SCN7A: variants seen among roughly 807,000 people sequenced by gnomAD.
The protein encoded by SCN7A is sodium channel protein type 7 subunit alpha.
SCN7A carries 138 observed loss-of-function variants against 155.2 expected under a neutral mutation model. The observed-to-expected ratio is 0.89, with a 90% CI of 0.77 to 1.02. The LOEUF (loss-of-function observed/expected upper bound fraction) is 1.02, where lower values mean the gene tolerates loss of function less well. Among genes scored for constraint, SCN7A ranks in the 50% least tolerant of loss-of-function variants. The pLI, the probability that SCN7A is intolerant of heterozygous loss-of-function variation, is 0.00. For missense variants in SCN7A, 2,058 were observed against 1,986.6 expected (o/e 1.04, Z -0.68); for synonymous variants, 693 against 649.0 (o/e 1.07, Z -1.03).
chr2:166,426,582 T>C (rs1365465056), intron 18 of SCN7A, among the ~76,000 whole-genome samples: 3 of 152,232 alleles, frequency 2.0e-5, no homozygotes, highest in Admixed American at 1.3e-4. Flanking sequence ...GGAAGTGGGA[T>C]GCTGTAACAA....
chr2:166,462,360 A>T, intron 10 of SCN7A, 29 bp downstream of exon 10: 1 of 1,563,352 alleles, frequency 6.4e-7, no homozygotes, highest in Non-Finnish European at 8.7e-7. Flanking sequence ...GCCATTCCTA[A>T]GTACAGTACA....
rs775318530 is a variant in SCN7A at position 166,441,482 on chromosome 2, C to G, written c.2071G>C (p.Glu691Gln). The G allele has an allele frequency of 6.2e-7, 1 of 1,614,074 alleles. No individual in the cohort carries two copies. Among genetic ancestry groups the G allele is most frequent in the Non-Finnish European group, 8.5e-7 (1 of 1,179,972 alleles). ...ACCTCCATACAGTCCCACAAGGTCT[C>G]TACCCACTCTCCACAGAGAATTCGG... Reference protein sequence around the residue: ...VFRILCGEWVETLWDCMEVAG... With the variant: ...VFRILCGEWVQTLWDCMEVAG... The change falls in exon 15 of 26, where the codon GAG (glutamate) becomes CAG (glutamine). Residue 691 changes from glutamate to glutamine, a missense_variant. Glu to Gln is a conservative substitution (Grantham distance 29). Coordinates refer to ENST00000643258, the MANE Select transcript of SCN7A (RefSeq NM_002976.4).
At chr2:166,472,258 T>C in intron 6 of SCN7A, 59 bp downstream of exon 6, 1 of 1,489,912 alleles carries the variant, frequency 6.7e-7, no homozygotes, top group Non-Finnish European at 9.0e-7. Flanking sequence ...AATTATTTTT[T>C]ATGAAAAACA....
chr2:166,423,631 G>A (rs1003573614), intron 18 of SCN7A, among the ~76,000 whole-genome samples, 199 bp from the exon 19 acceptor site: 1 of 151,876 alleles, frequency 6.6e-6, no homozygotes, highest in Non-Finnish European at 1.5e-5. Context: ...CCATGCCTAC[G>A]CCAGACATCA....
chr2:166,417,453 A>G (rs2105382119), intron 20 of SCN7A, among the ~76,000 whole-genome samples: 1 of 152,214 alleles, frequency 6.6e-6, no homozygotes, highest in South Asian at 2.1e-4. Context: ...AGCATGGGCA[A>G]CAGACCCAGA....
intron 20 of SCN7A, among the ~76,000 whole-genome samples, chr2:166,418,682 C>T (rs1265288383): frequency 1.3e-5 from 2 of 152,006 alleles, no homozygotes; most frequent in South Asian, 2.1e-4. Context: ...TTTGTTAATA[C>T]TTTTAAATAT....
intron 22 of SCN7A, among the ~76,000 whole-genome samples, 192 bp downstream of exon 22, chr2:166,412,876 G>C (rs960689467): frequency 6.6e-6 from 1 of 151,962 alleles, no homozygotes; most frequent in Non-Finnish European, 1.5e-5. Context: ...GCAAAGTCTG[G>C]TAATCTTTCA....
At chr2:166,452,771 T>C (rs1226291286) in intron 11 of SCN7A, among the ~76,000 whole-genome samples, 1 of 152,106 alleles carries the variant, frequency 6.6e-6, no homozygotes, top group Non-Finnish European at 1.5e-5. Flanking sequence ...TATTCCTCAG[T>C]GTTGTGAAAT....
At chr2:166,461,064 T>TC (rs1702396804) in intron 10 of SCN7A, among the ~76,000 whole-genome samples, 1 of 149,486 alleles carries the variant, frequency 6.7e-6, no homozygotes, top group South Asian at 2.1e-4. Flanking sequence ...TTTTTTTTTT[T>TC]TTTTTTTTTA....
chr2:166,472,568 C>A, intron 5 of SCN7A, 123 bp from the exon 6 acceptor site: 2 of 810,812 alleles, frequency 2.5e-6, no homozygotes, highest in African/African-American at 1.8e-5. Context: ...GAGACCAGGT[C>A]TACTTGGTAG....
At chr2:166,423,139 T>C in intron 19 of SCN7A, 120 bp downstream of exon 19, 2 of 954,240 alleles carry the variant, frequency 2.1e-6, no homozygotes, top group Non-Finnish European at 3.1e-6. Context: ...AGGTGTCATG[T>C]ACCAACAATG....
intron 2 of SCN7A, among the ~76,000 whole-genome samples, chr2:166,481,402 T>C (rs1001281457): frequency 6.6e-6 from 1 of 152,180 alleles, no homozygotes; most frequent in Admixed American, 6.5e-5. Flanking sequence ...ATTAGAATGG[T>C]GAGTCAAATT....
At chr2:166,453,863 T>G (rs541456915) in intron 11 of SCN7A, among the ~76,000 whole-genome samples, 12 of 152,268 alleles carry the variant, frequency 7.9e-5, no homozygotes, top group Non-Finnish European at 1.6e-4. Context: ...TTTACATTAT[T>G]TTTTCTAATT....
intron 11 of SCN7A, among the ~76,000 whole-genome samples, chr2:166,454,626 T>C (rs1702238678): frequency 6.6e-6 from 1 of 152,322 alleles, no homozygotes; most frequent in South Asian, 2.1e-4. Context: ...CCTTCACTTT[T>C]CCCCTTGTCT....
intron 2 of SCN7A, among the ~76,000 whole-genome samples, chr2:166,486,437 G>C (rs1342973075): frequency 6.6e-6 from 1 of 152,200 alleles, no homozygotes; most frequent in South Asian, 2.1e-4. Flanking sequence ...AGATATAACA[G>C]TGTCAAATCT....
At chr2:166,470,319 A>G (rs1162317742) in intron 7 of SCN7A, among the ~76,000 whole-genome samples, 2 of 151,896 alleles carry the variant, frequency 1.3e-5, no homozygotes, top group Non-Finnish European at 2.9e-5. Flanking sequence ...TCAGAAGTCT[A>G]AGAAGAATTT....
intron 10 of SCN7A, among the ~76,000 whole-genome samples, chr2:166,458,554 C>T (rs1278194423): frequency 6.6e-6 from 1 of 152,082 alleles, no homozygotes; most frequent in Non-Finnish European, 1.5e-5. Context: ...AGGTCAATGA[C>T]CAGCAGCATA....
chr2:166,446,638 A>G (rs1702069203), intron 12 of SCN7A, among the ~76,000 whole-genome samples: 1 of 152,220 alleles, frequency 6.6e-6, no homozygotes, highest in Non-Finnish European at 1.5e-5. Context: ...CATCAATGAT[A>G]GACTAAATAA....
intron 7 of SCN7A, among the ~76,000 whole-genome samples, chr2:166,467,830 T>TA (rs1008439668): frequency 6.6e-6 from 1 of 151,672 alleles, no homozygotes; most frequent in East Asian, 1.9e-4. Context: ...TCTGCCTTGA[T>TA]AAAAAAAATT....
Sources: allele counts gnomAD v4.1 joint callset (sites outside exome capture counted in the v4.1 genomes callset), GRCh38; gene constraint gnomAD v4.1.1; transcripts MANE v1.5; gene names NCBI Gene and HGNC (gene_info 2026-07-23, HGNC 2026-07-21).